Variants in ZMYND8 observed in about 807,000 individuals in gnomAD.
ZMYND8 encodes the protein MYND-type zinc finger-containing chromatin reader ZMYND8.
ZMYND8 carries 37 observed loss-of-function variants against 140.8 expected under a neutral mutation model. The observed-to-expected ratio is 0.26, with a 90% CI of 0.20 to 0.35. The LOEUF is 0.35. ZMYND8 is among the 10% of genes least tolerant of loss of function. The pLI is 1.00. For missense variants in ZMYND8, 1,068 were observed against 1,570.0 expected, an observed-to-expected ratio of 0.68 and a Z score of 5.40; for synonymous variants, 592 against 597.1, an observed-to-expected ratio of 0.99 and a Z score of 0.12.
intron 15 of ZMYND8, among the ~76,000 whole-genome samples, chr20:47,236,989 C>A (rs2039317694): frequency 6.6e-6 from 1 of 152,178 alleles, no homozygotes; most frequent in Non-Finnish European, 1.5e-5. Flanking sequence ...TTTAAAATGT[C>A]CAGTCACCCC....
chr20:47,227,086 G>A (rs1207232528), intron 18 of ZMYND8, 117 bp downstream of exon 18: 6 of 1,084,288 alleles, frequency 5.5e-6, no homozygotes, highest in East Asian at 2.4e-5. Context: ...GTCTCCCTAC[G>A]AGTCATACAA....
intron 7 of ZMYND8, 31 bp from the exon 8 acceptor site, chr20:47,287,315 A>T: frequency 6.3e-7 from 1 of 1,584,710 alleles, no homozygotes; most frequent in South Asian, 1.1e-5. Flanking sequence ...GATTAATTCT[A>T]ATGGAAATAC....
intron 14 of ZMYND8, among the ~76,000 whole-genome samples, chr20:47,244,782 C>T (rs891731489): frequency 3.9e-5 from 6 of 152,198 alleles, no homozygotes; most frequent in Non-Finnish European, 8.8e-5. Flanking sequence ...TAAGGCCAGA[C>T]GCAGTAGCTC....
Position 47,219,352 on chromosome 20 carries a change from G to T in ZMYND8, c.3484+906C>A, listed in dbSNP as rs193017222. ...ATTACAGGCATGAGCCACTGCGCCC[G>T]GCCTACCAAAATTTTTTTAAAAAAT... On this transcript the variant is annotated intron_variant, in intron 21 of 22. Coordinates refer to ENST00000471951, the MANE Select transcript of ZMYND8 (RefSeq NM_001281775.3). Among the ~76,000 whole-genome samples, 675 of 151,500 alleles carry T rather than the reference G, an allele frequency of 4.5e-3. 4 individuals carry two copies. The highest frequency in any genetic ancestry group is 0.015 in the African/African-American group (634 of 41,350).
At chr20:47,309,391 C>G (rs919498727) in intron 3 of ZMYND8, among the ~76,000 whole-genome samples, 1 of 152,060 alleles carries the variant, frequency 6.6e-6, no homozygotes, top group Non-Finnish European at 1.5e-5. Flanking sequence ...CTGCAACCTC[C>G]GCCTCCCGGG....
At chr20:47,276,941 G>A (rs996510256) in intron 10 of ZMYND8, 146 bp from the exon 11 acceptor site, 6 of 855,730 alleles carry the variant, frequency 7.0e-6, no homozygotes, top group African/African-American at 1.7e-5. Context: ...TTGGTTTGAA[G>A]GATTAATTAA....
chr20:47,299,210 A>T (rs1183996833), intron 3 of ZMYND8, among the ~76,000 whole-genome samples: 1 of 152,356 alleles, frequency 6.6e-6, no homozygotes, highest in East Asian at 1.9e-4. Flanking sequence ...GCAGAATGGC[A>T]CATTGCCTAT....
intron 16 of ZMYND8, among the ~76,000 whole-genome samples, chr20:47,235,169 T>C (rs1286966746): frequency 1.3e-5 from 2 of 152,242 alleles, no homozygotes; most frequent in African/African-American, 4.8e-5. Flanking sequence ...TTGATAATAA[T>C]TGAAGCCAAT....
chr20:47,288,333 A>G (rs2077045976), intron 7 of ZMYND8, among the ~76,000 whole-genome samples: 1 of 151,160 alleles, frequency 6.6e-6, no homozygotes, highest in Non-Finnish European at 1.5e-5. Context: ...CCACTTGTTT[A>G]TATAATTTGA....
intron 3 of ZMYND8, among the ~76,000 whole-genome samples, chr20:47,303,465 C>T (rs759738023): frequency 5.3e-4 from 80 of 152,150 alleles, no homozygotes; most frequent in Non-Finnish European, 3.5e-4. Flanking sequence ...CGCCTGTAAT[C>T]CCAGCACTTT....
In ZMYND8 at chr20:47,356,539, C is replaced by T. The variant is rs2083255524; in HGVS notation, c.14+118G>A. 8.1e-6 allele frequency: 13 copies of T among 1,612,668 alleles called. No homozygotes were observed. In the South Asian group the frequency reaches 1.3e-4, roughly 16 times the overall value. Reference sequence around the variant, plus strand: ...TTCTCTCTAAACAGTTCCAAGTTAACATAAGTGCTCTGGGGGTGAGTGTGG... The same window carrying T: ...TTCTCTCTAAACAGTTCCAAGTTAATATAAGTGCTCTGGGGGTGAGTGTGG... On this transcript the variant is annotated intron_variant, in intron 1 of 22. Coordinates refer to ENST00000471951, the MANE Select transcript of ZMYND8 (RefSeq NM_001281775.3).
At chr20:47,294,889 C>A in intron 4 of ZMYND8, 110 bp from the exon 5 acceptor site, 1 of 942,144 alleles carries the variant, frequency 1.1e-6, no homozygotes, top group Non-Finnish European at 1.7e-6. Context: ...AATTCTCATC[C>A]CAATGAGACT....
Position 47,249,492 on chromosome 20 carries a change from C to T in ZMYND8, c.1622-53G>A, listed in dbSNP as rs1004168534. 1.1e-5 allele frequency: 18 copies of T among 1,582,552 alleles called. 1 individual carries two copies. The Admixed American group carries it at 1.2e-4, about 11-fold the overall frequency. On this transcript the variant is annotated intron_variant, in intron 12 of 22. Transcript: ENST00000471951. ...GATCAGGCACACACCATCCTCATCACGGAGCTTCGTCCTTGCAAAGTCAGA... is the reference window on the plus strand; with the variant it reads ...GATCAGGCACACACCATCCTCATCATGGAGCTTCGTCCTTGCAAAGTCAGA...
At chr20:47,322,071 G>A (rs12625479) in intron 2 of ZMYND8, among the ~76,000 whole-genome samples, 2 of 151,856 alleles carry the variant, frequency 1.3e-5, no homozygotes, top group African/African-American at 2.4e-5. Context: ...ATGTTGCCCA[G>A]ACTGGTCTCA....
At chr20:47,220,419 G>T in intron 20 of ZMYND8, 95 bp from the exon 21 acceptor site, 2 of 994,772 alleles carry the variant, frequency 2.0e-6, no homozygotes, top group South Asian at 1.4e-5. Flanking sequence ...GCTCATCGCT[G>T]CCCCCAAAGC....
chr20:47,298,836 G>A lies in ZMYND8; in HGVS notation c.346C>T (p.Arg116Trp), dbSNP rs1189965722. ...RNDFYCWVCH[R>W]EGQVLCCELC... ...TCACAGCAAAGGACTTGGCCTTCCC[G>A]GTGACAAACCCAGCAGTAGAAATCA... Residue 116 changes from arginine to tryptophan, a missense_variant, in exon 4 of 23, where the codon CGG (arginine) becomes TGG (tryptophan). Physicochemically the swap from Arg to Trp is moderately radical, Grantham distance 101. Coordinates refer to ENST00000471951, the MANE Select transcript of ZMYND8 (RefSeq NM_001281775.3). The surrounding 1 kb of genome is among the most constrained non-coding windows in gnomAD (Gnocchi z 5.0). 1.2e-6 allele frequency: 2 copies of A among 1,613,984 alleles called. No individual in the cohort carries two copies. Among genetic ancestry groups the A allele is most frequent in the African/African-American group, 1.3e-5 (1 of 74,892 alleles).
intron 10 of ZMYND8, among the ~76,000 whole-genome samples, chr20:47,278,511 T>A (rs1181867773): frequency 1.3e-5 from 2 of 152,058 alleles, no homozygotes; most frequent in Non-Finnish European, 2.9e-5. Context: ...TTATGTTACA[T>A]TTTACCCCCA....
At chr20:47,273,015 G>C (rs965457733) in intron 11 of ZMYND8, among the ~76,000 whole-genome samples, 2 of 152,174 alleles carry the variant, frequency 1.3e-5, no homozygotes, top group African/African-American at 4.8e-5. Flanking sequence ...AAGGAAACAG[G>C]TATGGATGCA....
At chr20:47,327,381 C>T (rs551369291) in intron 2 of ZMYND8, among the ~76,000 whole-genome samples, 1 of 151,374 alleles carries the variant, frequency 6.6e-6, no homozygotes, top group Non-Finnish European at 1.5e-5. Flanking sequence ...AGGCCAGGTG[C>T]GGTGGCTCAC....
Sources: allele counts gnomAD v4.1 joint callset (sites outside exome capture counted in the v4.1 genomes callset), GRCh38; gene constraint gnomAD v4.1.1; non-coding constraint Gnocchi (gnomAD v3.1); transcripts MANE v1.5; gene names NCBI Gene and HGNC (gene_info 2026-07-23, HGNC 2026-07-21).